The following KMT2E variants were observed in gnomAD, a reference collection of about 807,000 sequenced individuals.
KMT2E encodes the protein lysine methyltransferase 2E (inactive).
In KMT2E, 30 loss-of-function variants were observed where a neutral mutation model predicts 184.6. The observed-to-expected ratio is 0.16, with a 90% CI of 0.12 to 0.22. The LOEUF is 0.22. Ranked by LOEUF, KMT2E falls within the 10% of genes least tolerant of loss-of-function variation. The pLI is 1.00. For missense variants in KMT2E, 2,023 were observed against 2,237.4 expected, an observed-to-expected ratio of 0.90 and a Z score of 1.93; for synonymous variants, 815 against 776.5, an observed-to-expected ratio of 1.05 and a Z score of -0.82.
chr7:105,106,053 C>T (rs1383763223), intron 19 of KMT2E, 50 bp downstream of exon 19: 5 of 1,529,830 alleles, frequency 3.3e-6, no homozygotes, highest in Admixed American at 1.9e-5. Flanking sequence ...GCAGGGCATA[C>T]ATACAGCTTT....
At chr7:105,094,870 A>G (rs1798340317) in intron 15 of KMT2E, among the ~76,000 whole-genome samples, 1 of 152,232 alleles carries the variant, frequency 6.6e-6, no homozygotes, top group Non-Finnish European at 1.5e-5. Flanking sequence ...CTGTATATAT[A>G]GGGTTCAGTA....
At chr7:105,087,849 G>A (rs542165072) in intron 13 of KMT2E, among the ~76,000 whole-genome samples, 2 of 137,864 alleles carry the variant, frequency 1.5e-5, no homozygotes, top group African/African-American at 5.4e-5. Flanking sequence ...TTTCCCAGAA[G>A]TTCTTTATAT....
At chr7:105,108,036 T>G in intron 22 of KMT2E, 111 bp downstream of exon 22, 1 of 675,398 alleles carries the variant, frequency 1.5e-6, no homozygotes, top group South Asian at 3.9e-5. Context: ...ATTTAGTTAT[T>G]AAAGTTACAT....
intron 7 of KMT2E, 46 bp downstream of exon 7, chr7:105,073,723 A>G: frequency 8.8e-7 from 1 of 1,134,990 alleles, no homozygotes; most frequent in South Asian, 1.3e-5. Context: ...TGTGATTGAG[A>G]GAATAAACGG....
At chr7:105,033,893 G>A (rs773830435) in intron 1 of KMT2E, among the ~76,000 whole-genome samples, 13 of 152,216 alleles carry the variant, frequency 8.5e-5, no homozygotes, top group East Asian at 1.9e-4. Flanking sequence ...AAATGGGCAC[G>A]TGTGAAAAAG....
At chr7:105,105,393 A>G (rs772968094) in intron 17 of KMT2E, 46 bp from the exon 18 acceptor site, 1 of 1,402,190 alleles carries the variant, frequency 7.1e-7, no homozygotes. Context: ...TCAAGGGAGA[A>G]TTTGGAATTA....
chr7:105,016,406 A>AT (rs1584678151), intron 1 of KMT2E, among the ~76,000 whole-genome samples: 1 of 152,116 alleles, frequency 6.6e-6, no homozygotes, highest in South Asian at 2.1e-4. Context: ...CCGATTCTGG[A>AT]TTTTTTTCCT....
At chr7:105,087,511 C>A (rs768900242) in intron 13 of KMT2E, among the ~76,000 whole-genome samples, 27 of 151,114 alleles carry the variant, frequency 1.8e-4, no homozygotes, top group Admixed American at 9.9e-4. Flanking sequence ...GCAACCTCCG[C>A]CTCCTGTGTT....
At chr7:105,053,231 G>A (rs975814203) in intron 3 of KMT2E, among the ~76,000 whole-genome samples, 1 of 152,046 alleles carries the variant, frequency 6.6e-6, no homozygotes, top group Non-Finnish European at 1.5e-5. Context: ...AGTGATGAGA[G>A]GGAGATTGAA....
Position 105,105,841 on chromosome 7 carries a change from G to A in KMT2E, c.2452-18G>A. 6.2e-7 allele frequency: 1 copy of A among 1,602,688 alleles called. No homozygotes were observed. The highest frequency in any genetic ancestry group is 8.5e-7 in the Non-Finnish European group (1 of 1,175,904). On this transcript the variant is annotated intron_variant, in intron 18 of 26. Transcript: ENST00000311117. ...TACAAAGTGATTCCTGTTCATTCAT[G>A]TATTCTGTTTTATTCAGCGATGGTT...
chr7:105,109,035 G>C lies in KMT2E; in HGVS notation c.3562G>C (p.Ala1188Pro). ...TCCACTCATTAGTGTATCACCCCAT[G>C]CAAGTGGAAGCTTGAGCAACAATGG... ...NFPLISVSPHASGSLSNNGDG... is the reference protein window; with the variant it reads ...NFPLISVSPHPSGSLSNNGDG... The change falls in exon 23 of 27, where the codon GCA becomes CCA. Residue 1188 changes from alanine to proline, a missense_variant. Physicochemically the swap from Ala to Pro is conservative, Grantham distance 27. Transcript: ENST00000311117. The C allele has an allele frequency of 6.2e-7, 1 of 1,614,192 alleles. No individual in the cohort carries two copies. The highest frequency in any genetic ancestry group is 8.5e-7 in the Non-Finnish European group (1 of 1,180,022).
intron 1 of KMT2E, among the ~76,000 whole-genome samples, chr7:105,030,515 C>T (rs567393254): frequency 1.3e-5 from 2 of 152,168 alleles, no homozygotes; most frequent in African/African-American, 2.4e-5. Context: ...ACATTAGGAA[C>T]TTGACTGGAA....
chr7:105,029,235 GA>G (rs987027140), intron 1 of KMT2E, among the ~76,000 whole-genome samples: 3 of 149,276 alleles, frequency 2.0e-5, no homozygotes, highest in Non-Finnish European at 3.0e-5. Context: ...TGCACTCCAG[GA>G]AAAAAAAACA....
At chr7:105,033,959 G>A (rs575052488) in intron 1 of KMT2E, among the ~76,000 whole-genome samples, 2 of 152,182 alleles carry the variant, frequency 1.3e-5, no homozygotes, top group East Asian at 1.9e-4. Context: ...TCTCAGGAAC[G>A]AATCTATTCC....
At chr7:105,086,901 TTATA>T (rs1797991491) in intron 13 of KMT2E, among the ~76,000 whole-genome samples, 1 of 78,930 alleles carries the variant, frequency 1.3e-5, no homozygotes, top group Non-Finnish European at 2.0e-5. Flanking sequence ...AGCATATATA[TTATA>T]TATTATATAG....
chr7:105,061,250 C>G (rs994679079), intron 3 of KMT2E, among the ~76,000 whole-genome samples: 1 of 152,114 alleles, frequency 6.6e-6, no homozygotes, highest in African/African-American at 2.4e-5. Context: ...TATCCTTAAA[C>G]TAAATAATAG....
chr7:105,073,603 T>A lies in KMT2E; in HGVS notation c.498-16T>A, dbSNP rs373147040. On this transcript the variant is annotated splice_polypyrimidine_tract_variant and intron_variant, in intron 6 of 26. Coordinates refer to ENST00000311117, the MANE Select transcript of KMT2E (RefSeq NM_182931.3). ...TCATGTATTTGATAAATAATTATGCTAATTTTTTAATGTAGGAATTTGGAT... is the reference window on the plus strand; with the variant it reads ...TCATGTATTTGATAAATAATTATGCAAATTTTTTAATGTAGGAATTTGGAT... 6.5e-7 allele frequency: 1 copy of A among 1,531,140 alleles called. No individual in the cohort carries two copies. The highest frequency in any genetic ancestry group is 1.4e-5 in the African/African-American group (1 of 73,118). The allele number at this position is 1,531,140 out of a possible 1,614,324, so 94.8% of individuals were successfully genotyped here.
chr7:105,083,059 T>C (rs1797820560), intron 13 of KMT2E, among the ~76,000 whole-genome samples: 1 of 152,236 alleles, frequency 6.6e-6, no homozygotes, highest in African/African-American at 2.4e-5. Context: ...TTTTTTGTTA[T>C]ATCCATGATC....
intron 14 of KMT2E, among the ~76,000 whole-genome samples, chr7:105,090,652 AC>A (rs1200856061): frequency 6.6e-6 from 1 of 152,212 alleles, no homozygotes; most frequent in Non-Finnish European, 1.5e-5. Context: ...TAAGCATGTC[AC>A]AATAACAGCA....
Sources: allele counts gnomAD v4.1 joint callset (sites outside exome capture counted in the v4.1 genomes callset), GRCh38; gene constraint gnomAD v4.1.1; transcripts MANE v1.5; gene names NCBI Gene and HGNC (gene_info 2026-07-23, HGNC 2026-07-21).